Variants in WDFY2 observed in about 807,000 individuals in gnomAD.
WDFY2 encodes the protein WD repeat and FYVE domain-containing protein 2.
In WDFY2, 36 loss-of-function variants were observed where a neutral mutation model predicts 56.4. The ratio of observed to expected loss-of-function variants is 0.64; its 90% CI spans 0.49 to 0.84. The LOEUF (loss-of-function observed/expected upper bound fraction) is 0.84, where lower values mean the gene tolerates loss of function less well. Among genes scored for constraint, WDFY2 ranks in the 40% least tolerant of loss-of-function variants. WDFY2 has a pLI of 0.00. For missense variants in WDFY2, 444 were observed against 512.2 expected, an observed-to-expected ratio of 0.87 and a Z score of 1.29; for synonymous variants, 176 against 183.7, an observed-to-expected ratio of 0.96 and a Z score of 0.34.
rs141090028 is a variant in WDFY2, at chr13:51,635,557, C to A, written c.138-25039C>A. Among the ~76,000 whole-genome samples the A allele has an allele frequency of 4.6e-5, 7 of 152,286 alleles. No individual in the cohort carries two copies. In the East Asian group the frequency reaches 7.7e-4, roughly 17 times the overall value. On this transcript the variant is annotated intron_variant, in intron 1 of 11. Transcript: ENST00000298125. ...ACCTTTTGTCCTCCATGTCTGATTTCTTCCTCTCTCTGAGCATTCAGACAG... is the reference window on the plus strand; with the variant it reads ...ACCTTTTGTCCTCCATGTCTGATTTATTCCTCTCTCTGAGCATTCAGACAG...
At chr13:51,694,029 T>G (rs988911793) in intron 3 of WDFY2, among the ~76,000 whole-genome samples, 12 of 152,122 alleles carry the variant, frequency 7.9e-5, no homozygotes, top group African/African-American at 2.9e-4. Context: ...TGTTTTCCAT[T>G]TGCTTGATAG....
intron 1 of WDFY2, among the ~76,000 whole-genome samples, chr13:51,641,049 G>T (rs971341627): frequency 2.6e-5 from 4 of 152,034 alleles, no homozygotes; most frequent in African/African-American, 7.2e-5. Flanking sequence ...ATCCAAGTTG[G>T]GTCCATCTTA....
intron 4 of WDFY2, among the ~76,000 whole-genome samples, chr13:51,707,939 CTTTTTTTTTTTTTTTTT>C (rs56054205): frequency 2.8e-4 from 16 of 57,562 alleles, no homozygotes; most frequent in East Asian, 5.5e-4. Flanking sequence ...CCTAAAACAA[CTTTTTTTTTTTTTTTTT>C]TTTTTTTTTT....
chr13:51,675,487 A>G (rs1955871023), intron 3 of WDFY2, among the ~76,000 whole-genome samples: 1 of 152,202 alleles, frequency 6.6e-6, no homozygotes, highest in South Asian at 2.1e-4. Flanking sequence ...GAATGGGGGC[A>G]ATCGGAGGCC....
At chr13:51,624,146 T>TG (rs996403648) in intron 1 of WDFY2, among the ~76,000 whole-genome samples, 8 of 152,264 alleles carry the variant, frequency 5.3e-5, no homozygotes, top group African/African-American at 9.6e-5. Flanking sequence ...CACTTTTTCT[T>TG]GGGGCAGTTT....
At position 51,656,664 on chromosome 13, in the gene WDFY2, T is replaced by C. The variant is rs118016849; in HGVS notation, c.138-3932T>C. Among the ~76,000 whole-genome samples, 1,259 of 152,166 alleles carry C rather than the reference T, an allele frequency of 8.3e-3. 17 individuals are homozygous for C. Among genetic ancestry groups the C allele is most frequent in the Non-Finnish European group, 0.01 (700 of 67,886 alleles). On this transcript the variant is annotated intron_variant, in intron 1 of 11. Coordinates refer to ENST00000298125, the MANE Select transcript of WDFY2 (RefSeq NM_052950.4). ...TCATGTATTAATATTTTAGGGGCTC[T>C]GTTCTTTGGAGTATATATATTTGCA...
At chr13:51,630,652 T>G (rs973828010) in intron 1 of WDFY2, among the ~76,000 whole-genome samples, 2 of 152,120 alleles carry the variant, frequency 1.3e-5, no homozygotes, top group African/African-American at 4.8e-5. Context: ...ATAGGGGTAT[T>G]TAACCCATTA....
At chr13:51,682,673 G>A (rs557508862) in intron 3 of WDFY2, among the ~76,000 whole-genome samples, 1 of 152,204 alleles carries the variant, frequency 6.6e-6, no homozygotes, top group African/African-American at 2.4e-5. Flanking sequence ...ATTTTATAGG[G>A]TTGTTATTAG....
intron 6 of WDFY2, among the ~76,000 whole-genome samples, chr13:51,736,199 GTT>G (rs1952831257): frequency 6.6e-6 from 1 of 152,158 alleles, no homozygotes; most frequent in African/African-American, 2.4e-5. Context: ...GCTAGGCACT[GTT>G]GTGTGTGTTT....
At chr13:51,688,464 T>C (rs1466329078) in intron 3 of WDFY2, among the ~76,000 whole-genome samples, 1 of 152,064 alleles carries the variant, frequency 6.6e-6, no homozygotes, top group Non-Finnish European at 1.5e-5. Flanking sequence ...GGATAAAAAA[T>C]CAAGAGACAG....
chr13:51,654,229 TG>T (rs1376461137), intron 1 of WDFY2, among the ~76,000 whole-genome samples: 1 of 152,216 alleles, frequency 6.6e-6, no homozygotes, highest in Non-Finnish European at 1.5e-5. Context: ...TCTCCTAGTG[TG>T]CCGTTTGCTA....
chr13:51,697,910 C>T (rs1381820577), intron 3 of WDFY2, among the ~76,000 whole-genome samples: 1 of 152,116 alleles, frequency 6.6e-6, no homozygotes, highest in Non-Finnish European at 1.5e-5. Context: ...TCAATATCTT[C>T]CAAAAGATTT....
At chr13:51,746,080 A>G (rs898481806) in intron 7 of WDFY2, among the ~76,000 whole-genome samples, 3 of 143,920 alleles carry the variant, frequency 2.1e-5, no homozygotes, top group East Asian at 4.1e-4. Flanking sequence ...GGTTCAAGCT[A>G]TTCTCCTGCC....
chr13:51,626,756 A>G (rs185444597), intron 1 of WDFY2, among the ~76,000 whole-genome samples: 1 of 152,372 alleles, frequency 6.6e-6, no homozygotes, highest in East Asian at 1.9e-4. Flanking sequence ...GCAGAGATTA[A>G]TTTCCATTCC....
chr13:51,660,548 A>G (rs1955593124), intron 1 of WDFY2, 48 bp from the exon 2 acceptor site: 3 of 1,570,934 alleles, frequency 1.9e-6, no homozygotes, highest in South Asian at 1.1e-5. Context: ...GCATTTTCCC[A>G]TGGCTAAGAA....
intron 1 of WDFY2, among the ~76,000 whole-genome samples, chr13:51,660,357 C>T (rs1349782027): frequency 1.3e-5 from 2 of 151,170 alleles, no homozygotes; most frequent in Non-Finnish European, 2.9e-5. Flanking sequence ...CCACTACTCT[C>T]AGCTAATTTT....
intron 8 of WDFY2, among the ~76,000 whole-genome samples, chr13:51,751,818 G>A (rs1953244017): frequency 6.6e-6 from 1 of 152,292 alleles, no homozygotes; most frequent in Non-Finnish European, 1.5e-5. Context: ...GGTATTAATA[G>A]AAATACTAGA....
At chr13:51,677,821 T>C (rs182739474) in intron 3 of WDFY2, among the ~76,000 whole-genome samples, 1 of 152,028 alleles carries the variant, frequency 6.6e-6, no homozygotes, top group Admixed American at 6.5e-5. Context: ...CCTGAACAAT[T>C]TGGAAAAGTT....
At chr13:51,721,977 T>A (rs1593450086) in intron 5 of WDFY2, among the ~76,000 whole-genome samples, 1 of 76,864 alleles carries the variant, frequency 1.3e-5, no homozygotes, top group South Asian at 5.0e-4. Context: ...TCTGAGAACC[T>A]CCCACCCCCC....
Sources: allele counts gnomAD v4.1 joint callset (sites outside exome capture counted in the v4.1 genomes callset), GRCh38; gene constraint gnomAD v4.1.1; transcripts MANE v1.5; gene names NCBI Gene and HGNC (gene_info 2026-07-23, HGNC 2026-07-21).